SELENOI: variants seen among roughly 807,000 people sequenced by gnomAD.
The protein encoded by SELENOI is selenoprotein I.
In SELENOI, 24 loss-of-function variants were observed where a neutral mutation model predicts 50.7. The observed-to-expected ratio is 0.47, with a 90% CI of 0.34 to 0.67. The LOEUF (loss-of-function observed/expected upper bound fraction) is 0.67, where lower values mean the gene tolerates loss of function less well. Among genes scored for constraint, SELENOI ranks in the 30% least tolerant of loss-of-function variants. SELENOI has a pLI of 0.01. For missense variants in SELENOI, 352 were observed against 461.4 expected (o/e 0.76, Z 2.17); for synonymous variants, 155 against 170.2 (o/e 0.91, Z 0.70).
intron 1 of SELENOI, among the ~76,000 whole-genome samples, chr2:26,357,658 A>C (rs930317001): frequency 1.3e-5 from 2 of 152,138 alleles, no homozygotes; most frequent in Non-Finnish European, 2.9e-5. Flanking sequence ...CTCCCTCTTC[A>C]TATGGCCTTC....
chr2:26,367,874 C>G (rs565969567), intron 4 of SELENOI, among the ~76,000 whole-genome samples: 1 of 152,286 alleles, frequency 6.6e-6, no homozygotes, highest in African/African-American at 2.4e-5. Flanking sequence ...GCATTCTTCT[C>G]TCCTTCCCTG....
Position 26,389,855 on chromosome 2 carries a change from C to T in SELENOI, c.*752C>T, listed in dbSNP as rs1572339997. The T allele has an allele frequency of 6.6e-6, 1 of 151,726 alleles. No homozygotes were observed. The highest frequency in any genetic ancestry group is 2.4e-5 in the African/African-American group (1 of 41,228). 9.4% of individuals were successfully genotyped at this position (151,726 alleles called of 1,614,324 possible). On this transcript the variant is annotated 3_prime_UTR_variant, in exon 10 of 10. Coordinates refer to ENST00000260585, the MANE Select transcript of SELENOI (RefSeq NM_033505.4). ...GCTGCAGGTTCCTGAGATTTGGTGC[C>T]TGTGAGCTCTGATTGTAGGAATGCA...
At position 26,373,580 on chromosome 2, in the gene SELENOI, A is replaced by G; in HGVS notation, c.524A>G (p.Tyr175Cys). ...TTCATCCTGTCCCACTGGGAAAAGT[A>G]TAACACAGGGATTCTTTTCCTGCCA... ...FSFILSHWEKYNTGILFLPWG... is the reference protein window; with the variant it reads ...FSFILSHWEKCNTGILFLPWG... Residue 175 changes from tyrosine to cysteine, a missense_variant, in exon 5 of 10, where the codon TAT becomes TGT. Tyr to Cys is a radical substitution (Grantham distance 194). Coordinates refer to ENST00000260585, the MANE Select transcript of SELENOI (RefSeq NM_033505.4). 1.9e-6 allele frequency: 3 copies of G among 1,614,008 alleles called. No individual in the cohort carries two copies. Among genetic ancestry groups the G allele is most frequent in the South Asian group, 1.1e-5 (1 of 91,064 alleles).
chr2:26,354,209 C>T (rs929481592), intron 1 of SELENOI, among the ~76,000 whole-genome samples: 4 of 152,136 alleles, frequency 2.6e-5, no homozygotes, highest in Middle Eastern at 3.4e-3. Flanking sequence ...CCTGTTTCAC[C>T]GAGACACTGA....
intron 6 of SELENOI, among the ~76,000 whole-genome samples, chr2:26,382,371 A>T (rs778322410): frequency 3.3e-5 from 5 of 152,204 alleles, no homozygotes; most frequent in Non-Finnish European, 7.3e-5. Flanking sequence ...AGGCAAAGGG[A>T]GGAAAGAATT....
rs117612645 is a variant in SELENOI, at chr2:26,384,174, C to A, written c.732-785C>A. On this transcript the variant is annotated intron_variant, in intron 7 of 9. Coordinates refer to ENST00000260585, the MANE Select transcript of SELENOI (RefSeq NM_033505.4). ...TTCTTCTGGTTGAAACATTTTCTTACACTTCCCACTTCATCCTTTAGCTCT... is the reference window on the plus strand; with the variant it reads ...TTCTTCTGGTTGAAACATTTTCTTAAACTTCCCACTTCATCCTTTAGCTCT... Among the ~76,000 whole-genome samples the A allele has an allele frequency of 5.1e-3, 777 of 152,342 alleles. 27 individuals carry two copies. In the South Asian group the frequency reaches 0.079, roughly 16 times the overall value.
At chr2:26,367,330 T>C (rs764914285) in intron 4 of SELENOI, 110 bp downstream of exon 4, 3 of 819,676 alleles carry the variant, frequency 3.7e-6, no homozygotes, top group Non-Finnish European at 5.5e-6. Flanking sequence ...AACTAGAGTT[T>C]ATTAGTATCC....
intron 6 of SELENOI, among the ~76,000 whole-genome samples, chr2:26,380,575 T>G (rs1289475542): frequency 6.6e-6 from 1 of 152,202 alleles, no homozygotes; most frequent in Non-Finnish European, 1.5e-5. Flanking sequence ...GTTGTACAAA[T>G]TGCTGCAGTG....
chr2:26,394,913 C>G lies in SELENOI; in HGVS notation c.*5810C>G, dbSNP rs996567562. 1 of 152,136 alleles carries G rather than the reference C, an allele frequency of 6.6e-6. No individual in the cohort carries two copies. Among genetic ancestry groups the G allele is most frequent in the African/African-American group, 2.4e-5 (1 of 41,442 alleles). The allele number at this position is 152,136 out of a possible 1,614,324, so 9.4% of individuals were successfully genotyped here. A position where few individuals can be genotyped will look rare whatever the true frequency, so the allele number is the denominator to read the frequency against. On this transcript the variant is annotated 3_prime_UTR_variant, in exon 10 of 10. Coordinates refer to ENST00000260585, the MANE Select transcript of SELENOI (RefSeq NM_033505.4). The surrounding 1 kb of genome is among the most constrained non-coding windows in gnomAD (Gnocchi z 4.1). Reference sequence around the variant, plus strand: ...GTTGCAGTTGGCTTTCTGTAGTGTTCTGAAACAAGAGGACGATTCCATTCC... The same window carrying G: ...GTTGCAGTTGGCTTTCTGTAGTGTTGTGAAACAAGAGGACGATTCCATTCC...
chr2:26,354,559 TG>T (rs1677027081), intron 1 of SELENOI, among the ~76,000 whole-genome samples: 2 of 150,846 alleles, frequency 1.3e-5, no homozygotes, highest in Non-Finnish European at 3.0e-5. Context: ...GCTAATTTTT[TG>T]TTTTTTTTTT....
intron 6 of SELENOI, among the ~76,000 whole-genome samples, chr2:26,376,632 C>G (rs187002528): frequency 1.3e-5 from 2 of 152,300 alleles, no homozygotes; most frequent in East Asian, 1.9e-4. Flanking sequence ...GCTTAGCCCC[C>G]GGGTTGTGTT....
At chr2:26,380,507 G>A (rs981769751) in intron 6 of SELENOI, among the ~76,000 whole-genome samples, 7 of 152,158 alleles carry the variant, frequency 4.6e-5, no homozygotes, top group East Asian at 1.9e-4. Context: ...TGGATGTACC[G>A]TAGTGTGTCC....
At chr2:26,349,670 GTTTTTTTT>G (rs372398913) in intron 1 of SELENOI, among the ~76,000 whole-genome samples, 3 of 115,166 alleles carry the variant, frequency 2.6e-5, no homozygotes, top group Non-Finnish European at 3.4e-5. Flanking sequence ...CTGCAAGTTG[GTTTTTTTT>G]TTTTTTTTTT....
chr2:26,354,613 G>T (rs1236175417), intron 1 of SELENOI, among the ~76,000 whole-genome samples: 1 of 151,436 alleles, frequency 6.6e-6, no homozygotes, highest in South Asian at 2.1e-4. Flanking sequence ...GGATGGTCTT[G>T]ATCTCCTGAC....
At position 26,360,504 on chromosome 2, in the gene SELENOI, T is replaced by C. The variant is rs74696404; in HGVS notation, c.58-3798T>C. On this transcript the variant is annotated intron_variant, in intron 1 of 9. Coordinates refer to ENST00000260585, the MANE Select transcript of SELENOI (RefSeq NM_033505.4). ...AATACCATTCCTTAAAGACGTTCTTTTAGATTAAAGTTAAATTATGGAAAG... is the reference window on the plus strand; with the variant it reads ...AATACCATTCCTTAAAGACGTTCTTCTAGATTAAAGTTAAATTATGGAAAG... Among the ~76,000 whole-genome samples the C allele has an allele frequency of 9.6e-3, 1,468 of 152,296 alleles. 29 individuals carry two copies. The highest frequency in any genetic ancestry group is 0.033 in the African/African-American group (1,386 of 41,550).
Position 26,364,932 on chromosome 2 carries a change from A to T in SELENOI, c.227A>T (p.Tyr76Phe), listed in dbSNP as rs780124776. The T allele has an allele frequency of 3.8e-6, 6 of 1,596,122 alleles. No individual in the cohort carries two copies. In the East Asian group the frequency reaches 1.4e-4, roughly 36 times the overall value. ...ATGGCATACTTTGATCCTGACTTTTATGCCTCAGGTAAGAATATTACTTTA... is the reference window on the plus strand; with the variant it reads ...ATGGCATACTTTGATCCTGACTTTTTTGCCTCAGGTAAGAATATTACTTTA... ...LLMAYFDPDF[Y>F]ASAPGHKHVP... The change falls in exon 3 of 10, where the codon TAT becomes TTT. Residue 76 changes from tyrosine (Y) to phenylalanine (F), a missense_variant. By Grantham distance (22) the Tyr-to-Phe change is conservative (BLOSUM62 3). Transcript: ENST00000260585.
intron 1 of SELENOI, among the ~76,000 whole-genome samples, chr2:26,349,866 C>T (rs554671599): frequency 1.3e-4 from 18 of 140,520 alleles, no homozygotes; most frequent in East Asian, 6.3e-4. Flanking sequence ...CCAACACTTC[C>T]GGAGGCTGAG....
At chr2:26,346,609 C>T (rs1174642605) in intron 1 of SELENOI, 2 of 223,306 alleles carry the variant, frequency 9.0e-6, no homozygotes, top group African/African-American at 4.6e-5. Flanking sequence ...GATGGAGTTC[C>T]TTCTGTTGTG....
intron 6 of SELENOI, among the ~76,000 whole-genome samples, chr2:26,380,833 A>G (rs1012467350): frequency 5.3e-5 from 8 of 152,204 alleles, no homozygotes; most frequent in Non-Finnish European, 8.8e-5. Context: ...TAGGTAAGAA[A>G]TGATGTGTCT....
Sources: allele counts gnomAD v4.1 joint callset (sites outside exome capture counted in the v4.1 genomes callset), GRCh38; gene constraint gnomAD v4.1.1; non-coding constraint Gnocchi (gnomAD v3.1); transcripts MANE v1.5; gene names NCBI Gene and HGNC (gene_info 2026-07-23, HGNC 2026-07-21).